Variants in SCML4 observed in about 807,000 individuals in gnomAD.
SCML4 encodes the protein sex comb on midleg-like protein 4.
SCML4 carries 34 observed loss-of-function variants against 41.1 expected under a neutral mutation model. The observed-to-expected ratio is 0.83, with a 90% CI of 0.63 to 1.10. The LOEUF is 1.10. SCML4 is among the 50% of genes least tolerant of loss of function. The probability of loss-of-function intolerance (pLI) is 0.00; values close to 1 mark genes in which losing one functional copy is unlikely to be tolerated. For missense variants in SCML4, 522 were observed against 534.1 expected (o/e 0.98, Z 0.22); for synonymous variants, 214 against 220.9 (o/e 0.97, Z 0.28).
chr6:107,712,968 A>G (rs1377218764), intron 6 of SCML4, among the ~76,000 whole-genome samples: 5 of 152,250 alleles, frequency 3.3e-5, no homozygotes, highest in South Asian at 4.1e-4. Context: ...GAGTTCTCCA[A>G]TGAGGACATC....
intron 2 of SCML4, among the ~76,000 whole-genome samples, chr6:107,769,445 C>T (rs6568495): frequency 0.75 from 113,863 of 152,054 alleles, 44,115 homozygotes; most frequent in East Asian, 0.9. Flanking sequence ...AGGTCTTGGA[C>T]CAGAGAGAGT....
At chr6:107,740,084 TC>T (rs1777445256) in intron 5 of SCML4, 1 of 470,254 alleles carries the variant, frequency 2.1e-6, no homozygotes, top group Admixed American at 2.4e-5. Context: ...CTTCCAAACC[TC>T]CCAGCTGACT....
At chr6:107,759,132 C>CAAAA (rs60124415) in intron 2 of SCML4, among the ~76,000 whole-genome samples, 10 of 88,228 alleles carry the variant, frequency 1.1e-4, no homozygotes, top group African/African-American at 2.3e-4. Context: ...ACAAAAAATA[C>CAAAA]AAAAAAAAAA....
chr6:107,798,026 A>G (rs528345280), intron 1 of SCML4, among the ~76,000 whole-genome samples: 53 of 152,086 alleles, frequency 3.5e-4, no homozygotes, highest in Non-Finnish European at 5.0e-4. Flanking sequence ...TTTGTTAATA[A>G]TTTCTTAAGG....
Position 107,752,802 on chromosome 6 carries a change from G to A in SCML4, c.157-2989C>T, listed in dbSNP as rs2114517088. Among the ~76,000 whole-genome samples, 5 of 152,210 alleles carry A rather than the reference G, an allele frequency of 3.3e-5. 1 individual carries two copies. The highest frequency in any genetic ancestry group is 1.2e-4 in the African/African-American group (5 of 41,520). ...ACATTCTAATGGCCAGCGGGGGTGG[G>A]GAGACAATAAATGAATAAATAAGTA... On this transcript the variant is annotated intron_variant, in intron 2 of 7. Coordinates refer to ENST00000369020, the MANE Select transcript of SCML4 (RefSeq NM_198081.5).
the SCML4 span, among the ~76,000 whole-genome samples, chr6:107,838,138 C>T: frequency 2.0e-5 from 3 of 152,066 alleles, no homozygotes; most frequent in Non-Finnish European, 4.4e-5. Context: ...GAACTCTTGA[C>T]CTCAGGTGAT....
chr6:107,754,975 A>G (rs1033872389), intron 2 of SCML4, among the ~76,000 whole-genome samples: 4 of 152,046 alleles, frequency 2.6e-5, no homozygotes, highest in African/African-American at 9.7e-5. Context: ...GTGGTGGCAT[A>G]TGCCTGTTGT....
At chr6:107,792,486 C>T (rs1019035598) in intron 1 of SCML4, among the ~76,000 whole-genome samples, 8 of 152,126 alleles carry the variant, frequency 5.3e-5, no homozygotes, top group Admixed American at 2.6e-4. Flanking sequence ...AATCCCAGCA[C>T]TTTAGGAGGC....
chr6:107,778,212 AAAAAAAAAAAATATATATATATAT>A (rs1781144682), intron 1 of SCML4, among the ~76,000 whole-genome samples: 1 of 7,344 alleles, frequency 1.4e-4, no homozygotes, highest in South Asian at 9.3e-3. Context: ...AAAAAAAAAA[AAAAAAAAAAAATATATATATATAT>A]ATATATATAT....
At position 107,781,661 on chromosome 6, in the gene SCML4, C is replaced by A. The variant is rs368240936; in HGVS notation, c.-59-9275G>T. On this transcript the variant is annotated intron_variant, in intron 1 of 7. Coordinates refer to ENST00000369020, the MANE Select transcript of SCML4 (RefSeq NM_198081.5). ...CTCCAGCCTGGGCAACAGAGTATGA[C>A]CCTGTCTCAAAAAAAAAAAAAAAGA... Among the ~76,000 whole-genome samples, 5 of 149,388 alleles carry A rather than the reference C, an allele frequency of 3.3e-5. No homozygotes were observed. The South Asian group carries it at 1.1e-3, about 32-fold the overall frequency.
In SCML4 at chr6:107,739,340, G is replaced by A. The variant is rs75065160; in HGVS notation, c.682+5609C>T. ...GCCACCTGACCTGCTGTCATATACT[G>A]GAACATAAAATCACATCTTTCCCAA... On this transcript the variant is annotated intron_variant, in intron 5 of 7. Transcript: ENST00000369020. Among the ~76,000 whole-genome samples, 611 of 151,804 alleles carry A rather than the reference G, an allele frequency of 4.0e-3. 7 individuals carry two copies. The East Asian group carries it at 0.053, about 13-fold the overall frequency.
the SCML4 span, among the ~76,000 whole-genome samples, chr6:107,842,732 C>T: frequency 4.6e-5 from 7 of 152,180 alleles, no homozygotes; most frequent in African/African-American, 1.4e-4. Flanking sequence ...TTCTTTCAAC[C>T]ATTGAGAGAA....
At chr6:107,728,111 T>C (rs983141668) in intron 5 of SCML4, among the ~76,000 whole-genome samples, 1 of 152,204 alleles carries the variant, frequency 6.6e-6, no homozygotes, top group East Asian at 1.9e-4. Flanking sequence ...TGAAAAAAGA[T>C]TTAACAAAAA....
chr6:107,768,349 A>AT (rs1265662005), intron 2 of SCML4, among the ~76,000 whole-genome samples: 4 of 152,170 alleles, frequency 2.6e-5, no homozygotes, highest in Non-Finnish European at 4.4e-5. Context: ...AGTCACTGTT[A>AT]TTTAGCCCTT....
In SCML4 at chr6:107,702,337, A is replaced by C. The variant is rs1773253354; in HGVS notation, c.*2863T>G. Among the ~76,000 whole-genome samples, 1 of 152,190 alleles carries C rather than the reference A, an allele frequency of 6.6e-6. No individual in the cohort carries two copies. Among genetic ancestry groups the C allele is most frequent in the South Asian group, 2.1e-4 (1 of 4,834 alleles). The stretch of plus-strand genomic sequence containing the variant: ...TTTCTCCAAGACTTGAAATGAGAAC[A>C]TATCTCTCGCCTGAAAACTACTCAA... On this transcript the variant is annotated 3_prime_UTR_variant, in exon 8 of 8. Coordinates refer to ENST00000369020, the MANE Select transcript of SCML4 (RefSeq NM_198081.5).
At chr6:107,803,414 C>T (rs1370332231) in intron 1 of SCML4, among the ~76,000 whole-genome samples, 6 of 145,442 alleles carry the variant, frequency 4.1e-5, no homozygotes, top group Admixed American at 3.3e-4. Flanking sequence ...CCGCCCCATC[C>T]GGGAGGGAGG....
chr6:107,757,544 C>A (rs1779216391), intron 2 of SCML4, among the ~76,000 whole-genome samples: 2 of 152,132 alleles, frequency 1.3e-5, no homozygotes, highest in South Asian at 2.1e-4. Flanking sequence ...TGGGCACATG[C>A]AAAGGAATAC....
At chr6:107,816,551 G>C (rs1026409319) in intron 1 of SCML4, among the ~76,000 whole-genome samples, 1 of 152,180 alleles carries the variant, frequency 6.6e-6, no homozygotes, top group Non-Finnish European at 1.5e-5. Flanking sequence ...AGAGGAGGAA[G>C]AAGCTACTGG....
Position 107,755,546 on chromosome 6 carries a change from C to T in SCML4, c.157-5733G>A, listed in dbSNP as rs368661949. 9.1e-4 allele frequency: 1,099 copies of T among 1,210,012 alleles called. 8 individuals carry two copies. In the African/African-American group the frequency reaches 0.017, roughly 18 times the overall value. The allele number at this position is 1,210,012 out of a possible 1,614,324, so 75.0% of individuals were successfully genotyped here. ...CTAGAAGCTTTGCTCTAGTGTGATG[C>T]AGGGCCCAGTCCATCAGCACAAACC... On this transcript the variant is annotated intron_variant, in intron 2 of 7. Transcript: ENST00000369020.
Sources: allele counts gnomAD v4.1 joint callset (sites outside exome capture counted in the v4.1 genomes callset), GRCh38; gene constraint gnomAD v4.1.1; transcripts MANE v1.5; gene names NCBI Gene and HGNC (gene_info 2026-07-23, HGNC 2026-07-21).